The following LOXL2 variants were observed in gnomAD, a reference collection of about 807,000 sequenced individuals.
The protein encoded by LOXL2 is lysyl oxidase homolog 2.
LOXL2 carries 70 observed loss-of-function variants against 93.0 expected under a neutral mutation model. The observed-to-expected ratio is 0.75, with a 90% CI of 0.62 to 0.92. LOXL2 has a LOEUF of 0.92. Among genes scored for constraint, LOXL2 ranks in the 40% least tolerant of loss-of-function variants. The probability of loss-of-function intolerance (pLI) is 0.00; values close to 1 mark genes in which losing one functional copy is unlikely to be tolerated. For missense variants in LOXL2, 973 were observed against 1,054.9 expected (o/e 0.92, Z 1.08); for synonymous variants, 438 against 413.2 (o/e 1.06, Z -0.73).
intron 6 of LOXL2, among the ~76,000 whole-genome samples, chr8:23,324,585 C>G (rs1803548269): frequency 6.6e-6 from 1 of 152,214 alleles, no homozygotes; most frequent in Non-Finnish European, 1.5e-5. Flanking sequence ...CTGTCACCTA[C>G]TCCTGTGTTC....
chr8:23,303,841 G>A (rs1803182838), intron 10 of LOXL2, among the ~76,000 whole-genome samples: 4 of 152,236 alleles, frequency 2.6e-5, no homozygotes. Context: ...AATGGAATAT[G>A]GTAGGGAGAA....
chr8:23,394,718 A>T (rs1050516589), intron 1 of LOXL2, among the ~76,000 whole-genome samples: 18 of 152,120 alleles, frequency 1.2e-4, no homozygotes, highest in African/African-American at 4.1e-4. Flanking sequence ...TAAACATAGA[A>T]TTACTATATG....
At position 23,311,535 on chromosome 8, in the gene LOXL2, G is replaced by A. The variant is rs571491355; in HGVS notation, c.1637-1624C>T. Reference sequence around the variant, plus strand: ...TGGAGGTCTCCACTTGGGCTCTCCCGCCAGCTCGCAAGGCGAGGGATCGTT... The same window carrying A: ...TGGAGGTCTCCACTTGGGCTCTCCCACCAGCTCGCAAGGCGAGGGATCGTT... On this transcript the variant is annotated intron_variant, in intron 9 of 13. Transcript: ENST00000389131. 4.6e-5 allele frequency among the ~76,000 whole-genome samples: 7 copies of A among 152,306 alleles called. No homozygotes were observed. The South Asian group carries it at 6.2e-4, about 14-fold the overall frequency.
At chr8:23,320,424 C>T (rs1803475395) in intron 7 of LOXL2, among the ~76,000 whole-genome samples, 1 of 152,200 alleles carries the variant, frequency 6.6e-6, no homozygotes, top group African/African-American at 2.4e-5. Context: ...CTCTTTGCCA[C>T]ATCCCCTACC....
At chr8:23,346,163 T>TAAAAC (rs1563197461) in intron 3 of LOXL2, among the ~76,000 whole-genome samples, 1 of 74,126 alleles carries the variant, frequency 1.3e-5, no homozygotes, top group South Asian at 4.0e-4. Context: ...AAATAAAAAA[T>TAAAAC]AAAATAAAAT....
chr8:23,385,256 T>C (rs1384015420), intron 1 of LOXL2, among the ~76,000 whole-genome samples: 1 of 150,800 alleles, frequency 6.6e-6, no homozygotes, highest in African/African-American at 2.4e-5. Context: ...TTTTTTTTTT[T>C]TTTTTGAGAC....
At chr8:23,362,361 T>C (rs1453871918) in intron 2 of LOXL2, among the ~76,000 whole-genome samples, 2 of 152,224 alleles carry the variant, frequency 1.3e-5, no homozygotes, top group Non-Finnish European at 2.9e-5. Flanking sequence ...GTTTCAGTTT[T>C]GCAAAATGGA....
At chr8:23,336,734 A>G (rs1056267243) in intron 4 of LOXL2, 3 of 152,236 alleles carry the variant, frequency 2.0e-5, no homozygotes, top group Non-Finnish European at 2.9e-5. Context: ...GACGTAAGCT[A>G]AAAACCCATA....
intron 1 of LOXL2, among the ~76,000 whole-genome samples, chr8:23,378,436 A>G (rs1377436257): frequency 1.3e-5 from 2 of 152,060 alleles, no homozygotes; most frequent in Non-Finnish European, 2.9e-5. Context: ...GCTCTTCTCC[A>G]GGAGTATCTT....
Position 23,298,906 on chromosome 8 carries a change from G to C in LOXL2, c.2175C>G (p.Tyr725Ter). The change falls in exon 13 of 14, where the codon TAC becomes TAG. Residue 725 changes from tyrosine (Y) to a stop codon, truncating the protein, a stop_gained. Transcript: ENST00000389131. LOFTEE classifies it high-confidence loss of function. ...TCCTGCATTTCATGATGTTGTTGGA[G>C]TAATCGGATTCTGCAACCTCGAAGT... ...NPNFEVAESD[Y>*]SNNIMKCRSR... The C allele has an allele frequency of 6.2e-7, 1 of 1,613,958 alleles. No homozygotes were observed. Among genetic ancestry groups the C allele is most frequent in the Admixed American group, 1.7e-5 (1 of 60,036 alleles).
At chr8:23,394,033 T>C (rs1238492881) in intron 1 of LOXL2, among the ~76,000 whole-genome samples, 2 of 152,166 alleles carry the variant, frequency 1.3e-5, no homozygotes, top group Admixed American at 1.3e-4. Flanking sequence ...TATTTGTAAA[T>C]CATATATCTG....
intron 1 of LOXL2, among the ~76,000 whole-genome samples, chr8:23,384,050 G>A (rs916390721): frequency 3.9e-5 from 6 of 152,136 alleles, no homozygotes; most frequent in Non-Finnish European, 7.4e-5. Flanking sequence ...GACCTGACCC[G>A]TGCCCTTCAA....
chr8:23,380,646 G>T lies in LOXL2; in HGVS notation c.-83-12212C>A, dbSNP rs13281495. Among the ~76,000 whole-genome samples the T allele has an allele frequency of 1.8e-3, 264 of 150,756 alleles. 1 individual carries two copies. Among genetic ancestry groups the T allele is most frequent in the African/African-American group, 3.6e-3 (148 of 40,866 alleles). On this transcript the variant is annotated intron_variant, in intron 1 of 13. Coordinates refer to ENST00000389131, the MANE Select transcript of LOXL2 (RefSeq NM_002318.3). ...AAAATTACTCTTAAAGTTTTTTTTT[G>T]TTGTTGTTGTTCTTTATAGTGAAAG...
chr8:23,360,198 A>T lies in LOXL2; in HGVS notation c.423T>A (p.Asn141Lys), dbSNP rs201755323. Reference sequence around the variant, plus strand: ...GCTTGCAGTCAGTGACGCCCCAGCCATTGGAGGTGCATGCTGCAAGGGTCG... The same window carrying T: ...GCTTGCAGTCAGTGACGCCCCAGCCTTTGGAGGTGCATGCTGCAAGGGTCG... ...NEATLAACTS[N>K]GWGVTDCKHT... is the part of the protein sequence containing the mutation. The change falls in exon 3 of 14, where the codon AAT becomes AAA. Residue 141 changes from asparagine (N) to lysine (K), a missense_variant. Asn to Lys is a moderately conservative substitution (Grantham distance 94, BLOSUM62 0). Coordinates refer to ENST00000389131, the MANE Select transcript of LOXL2 (RefSeq NM_002318.3). 4 of 1,614,082 alleles carry T rather than the reference A, an allele frequency of 2.5e-6. No individual in the cohort carries two copies. The highest frequency in any genetic ancestry group is 3.4e-6 in the Non-Finnish European group (4 of 1,179,958).
intron 1 of LOXL2, among the ~76,000 whole-genome samples, chr8:23,398,483 A>G (rs1800121293): frequency 6.6e-6 from 1 of 152,232 alleles, no homozygotes; most frequent in African/African-American, 2.4e-5. Flanking sequence ...GCCCTGGACA[A>G]GAAGAACCTA....
Position 23,333,396 on chromosome 8 carries a change from C to G in LOXL2, c.966+5G>C. ...AAGTGGCCACACCTCGTGCCCCGTC[C>G]TCACCTCTGGCTTGTACGCTTTCCG... On this transcript the variant is annotated splice_donor_5th_base_variant and intron_variant, in intron 5 of 13. Coordinates refer to ENST00000389131, the MANE Select transcript of LOXL2 (RefSeq NM_002318.3). 6.2e-7 allele frequency: 1 copy of G among 1,613,654 alleles called. No homozygotes were observed. The highest frequency in any genetic ancestry group is 8.5e-7 in the Non-Finnish European group (1 of 1,179,916).
intron 12 of LOXL2, 99 bp from the exon 13 acceptor site, chr8:23,299,046 CGTGGCAG>C (rs1803084565): frequency 1.4e-6 from 1 of 729,010 alleles, no homozygotes; most frequent in Non-Finnish European, 2.5e-6. Flanking sequence ...GGAAGGGGAG[CGTGGCAG>C]GTGCCGGGAC....
At chr8:23,384,469 A>C (rs1409550727) in intron 1 of LOXL2, among the ~76,000 whole-genome samples, 1 of 152,176 alleles carries the variant, frequency 6.6e-6, no homozygotes, top group Non-Finnish European at 1.5e-5. Context: ...GCAATTCCTC[A>C]AGTCTCACCT....
intron 10 of LOXL2, among the ~76,000 whole-genome samples, chr8:23,304,955 AAAT>A (rs1177788225): frequency 1.3e-5 from 2 of 152,170 alleles, no homozygotes; most frequent in Admixed American, 6.5e-5. Context: ...CCTGTGCTAA[AAAT>A]AATATCAGAA....
Sources: allele counts gnomAD v4.1 joint callset (sites outside exome capture counted in the v4.1 genomes callset), GRCh38; gene constraint gnomAD v4.1.1; transcripts MANE v1.5; gene names NCBI Gene and HGNC (gene_info 2026-07-23, HGNC 2026-07-21).